The following ACP6 variants were observed in gnomAD, a reference collection of about 807,000 sequenced individuals.
ACP6 encodes the protein lysophosphatidic acid phosphatase type 6.
In ACP6, 48 loss-of-function variants were observed where a neutral mutation model predicts 48.1. That is an observed-to-expected ratio of 1.00 (90% confidence interval 0.79 to 1.27). The LOEUF (loss-of-function observed/expected upper bound fraction) is 1.27. Among genes scored for constraint, ACP6 ranks in the 50% most tolerant of loss-of-function variants. The pLI, the probability that ACP6 is intolerant of heterozygous loss-of-function variation, is 0.00. For synonymous variants in ACP6, 172 were observed against 204.2 expected (o/e 0.84, Z 1.34); for missense variants, 485 against 529.1 (o/e 0.92, Z 0.82).
intron 4 of ACP6, among the ~76,000 whole-genome samples, chr1:147,658,366 A>G (rs1322716697): frequency 1.3e-5 from 2 of 152,214 alleles, no homozygotes; most frequent in East Asian, 3.8e-4. Flanking sequence ...GCCAATAACA[A>G]ATGACAAAAT....
In ACP6 at chr1:147,655,140, C is replaced by G. The variant is rs1357367816; in HGVS notation, c.647+21G>C. 8 of 1,579,242 alleles carry G rather than the reference C, an allele frequency of 5.1e-6. No homozygotes were observed. The Admixed American group carries it at 1.4e-4, about 28-fold the overall frequency. On this transcript the variant is annotated intron_variant, in intron 5 of 9. Coordinates refer to ENST00000583509, the MANE Select transcript of ACP6 (RefSeq NM_016361.5). The stretch of plus-strand genomic sequence containing the variant: ...TAAAAGGTTGTCCCCAACTGGTGAG[C>G]AAGAACCCAGGGGCAGTTACCTGGT...
At chr1:147,669,809 C>A in intron 1 of ACP6, 21 bp downstream of exon 1, 1 of 1,550,488 alleles carries the variant, frequency 6.4e-7, no homozygotes, top group Non-Finnish European at 8.8e-7. Context: ...CCACCAGCCC[C>A]AGCCCGGGCC....
chr1:147,659,890 A>G, intron 1 of ACP6, 115 bp from the exon 2 acceptor site: 1 of 1,269,628 alleles, frequency 7.9e-7, no homozygotes, highest in Non-Finnish European at 1.1e-6. Context: ...TAGGCCTGCA[A>G]CCTTCCTATG....
At chr1:147,667,403 A>C (rs1220184201) in intron 1 of ACP6, among the ~76,000 whole-genome samples, 1 of 151,874 alleles carries the variant, frequency 6.6e-6, no homozygotes, top group Non-Finnish European at 1.5e-5. Context: ...TTTTTAGTAG[A>C]GATGGGGTTT....
At chr1:147,669,249 C>T (rs1660952800) in intron 1 of ACP6, among the ~76,000 whole-genome samples, 1 of 128,334 alleles carries the variant, frequency 7.8e-6, no homozygotes, top group South Asian at 2.8e-4. Flanking sequence ...AAAAGGAGAA[C>T]CCTAGAATAC....
At chr1:147,652,622 T>A in intron 6 of ACP6, 73 bp from the exon 7 acceptor site, 1 of 1,610,086 alleles carries the variant, frequency 6.2e-7, no homozygotes, top group South Asian at 1.1e-5. Context: ...TCAGCTTCCA[T>A]GGAACCTGCA....
In ACP6 at chr1:147,670,318, C is replaced by T; in HGVS notation, c.-270G>A. On this transcript the variant is annotated 5_prime_UTR_variant, in exon 1 of 10. Coordinates refer to ENST00000583509, the MANE Select transcript of ACP6 (RefSeq NM_016361.5). The stretch of plus-strand genomic sequence containing the variant: ...TTGGTCGCTCCTGCTGCACACCGGG[C>T]CGGGGGAGATCGGATCCTTATCTTT... The T allele has an allele frequency of 2.6e-6, 1 of 385,276 alleles. No homozygotes were observed. The highest frequency in any genetic ancestry group is 4.7e-6 in the Non-Finnish European group (1 of 212,552). 23.9% of individuals were successfully genotyped at this position (385,276 alleles called of 1,614,324 possible). A position where few individuals can be genotyped will look rare whatever the true frequency, so the allele number is the denominator to read the frequency against.
intron 3 of ACP6, 169 bp from the exon 4 acceptor site, chr1:147,659,208 A>T (rs11240097): frequency 0.11 from 115,150 of 1,029,240 alleles, 8,005 homozygotes; most frequent in East Asian, 0.33. Context: ...GAGAGACTCG[A>T]AGTGCAATGA....
At chr1:147,669,404 TCCCTTCAG>T (rs1553214179) in intron 1 of ACP6, among the ~76,000 whole-genome samples, 1 of 152,178 alleles carries the variant, frequency 6.6e-6, no homozygotes, top group Non-Finnish European at 1.5e-5. Flanking sequence ...ATCACTAAAG[TCCCTTCAG>T]CCCTTCAGCT....
chr1:147,630,093 T>A (rs1379104137), exon 6 of ACP6: 1 of 152,188 alleles, frequency 6.6e-6, no homozygotes, highest in Non-Finnish European at 1.5e-5. Context: ...AAATACCTGC[T>A]TAGTGTCCAC....
At chr1:147,631,670 G>A (rs1332454241) in intron 5 of ACP6, among the ~76,000 whole-genome samples, 2 of 151,922 alleles carry the variant, frequency 1.3e-5, no homozygotes, top group African/African-American at 4.8e-5. Context: ...AAAAATTAGC[G>A]GGGCTTGGTG....
At chr1:147,652,268 G>C in intron 7 of ACP6, 181 bp downstream of exon 7, 1 of 563,374 alleles carries the variant, frequency 1.8e-6, no homozygotes, top group Non-Finnish European at 3.1e-6. Flanking sequence ...TAGGCCACCA[G>C]TCCCAGCTGT....
downstream of ACP6, among the ~76,000 whole-genome samples, chr1:147,637,834 A>T (rs1363409549): frequency 1.3e-5 from 2 of 152,208 alleles, no homozygotes; most frequent in African/African-American, 4.8e-5. Context: ...TCTATCATTT[A>T]TTCATTCATT....
chr1:147,653,390 A>G (rs1390965122), intron 6 of ACP6, among the ~76,000 whole-genome samples: 1 of 151,826 alleles, frequency 6.6e-6, no homozygotes, highest in African/African-American at 2.4e-5. Flanking sequence ...CAGCCTCCCA[A>G]AGTGCTGGGA....
intron 4 of ACP6, 34 bp from the exon 5 acceptor site, chr1:147,655,282 G>A (rs1660195625): frequency 6.7e-7 from 1 of 1,502,360 alleles, no homozygotes; most frequent in Admixed American, 1.8e-5. Flanking sequence ...GGCAGGCAGA[G>A]GCTTCAGCTT....
intron 5 of ACP6, among the ~76,000 whole-genome samples, chr1:147,634,123 T>C (rs587717553): frequency 6.6e-6 from 1 of 152,336 alleles, no homozygotes; most frequent in African/African-American, 2.4e-5. Context: ...AGGGTTCCAA[T>C]TTCTCTAGAT....
rs1214298636 is a variant in ACP6, at chr1:147,648,381, C to G, written c.1008G>C (p.Val336=). Residue 336 remains valine (V), a synonymous_variant, in exon 9 of 10, where the codon GTG becomes GTC. Coordinates refer to ENST00000583509, the MANE Select transcript of ACP6 (RefSeq NM_016361.5). ...GGGTCATTAAGAGCGGTATGAAGGT[C>G]ACATCATGAGCCGCATAGAGATACA... ...RKLYLYAAHD[V]TFIPLLMTLG... is the part of the protein sequence containing the mutation. The G allele has an allele frequency of 6.2e-6, 10 of 1,614,042 alleles. No homozygotes were observed. The highest frequency in any genetic ancestry group is 7.6e-6 in the Non-Finnish European group (9 of 1,180,030).
chr1:147,643,358 C>T lies in ACP6; in HGVS notation c.*4065G>A, dbSNP rs897043065. 1 of 152,290 alleles carries T rather than the reference C, an allele frequency of 6.6e-6. No homozygotes were observed. Among genetic ancestry groups the T allele is most frequent in the Admixed American group, 6.5e-5 (1 of 15,294 alleles). 9.4% of individuals were successfully genotyped at this position (152,290 alleles called of 1,614,324 possible). A position where few individuals can be genotyped will look rare whatever the true frequency, so the allele number is the denominator to read the frequency against. On this transcript the variant is annotated 3_prime_UTR_variant, in exon 10 of 10. Coordinates refer to ENST00000583509, the MANE Select transcript of ACP6 (RefSeq NM_016361.5). ...GCCTATTGATAGCATCAAGTGAGGA[C>T]TTACTGTACTAGGGGTTAAGATGTC...
chr1:147,664,748 A>G (rs1358445995), intron 1 of ACP6, among the ~76,000 whole-genome samples: 1 of 152,228 alleles, frequency 6.6e-6, no homozygotes, highest in Non-Finnish European at 1.5e-5. Flanking sequence ...TAAAGAAAAA[A>G]GGCCAGCTGT....
Sources: allele counts gnomAD v4.1 joint callset (sites outside exome capture counted in the v4.1 genomes callset), GRCh38; gene constraint gnomAD v4.1.1; transcripts MANE v1.5; gene names NCBI Gene and HGNC (gene_info 2026-07-23, HGNC 2026-07-21).